SGCZ: variants seen among roughly 807,000 people sequenced by gnomAD.
SGCZ encodes the protein zeta-sarcoglycan.
In SGCZ, 40 loss-of-function variants were observed where a neutral mutation model predicts 41.3. The observed-to-expected ratio is 0.97, with a 90% CI of 0.75 to 1.26. The LOEUF (loss-of-function observed/expected upper bound fraction) is 1.26, where lower values mean the gene tolerates loss of function less well. Ranked by LOEUF, SGCZ falls within the 50% of genes most tolerant of loss-of-function variation. The pLI, the probability that SGCZ is intolerant of heterozygous loss-of-function variation, is 0.00. For synonymous variants in SGCZ, 206 were observed against 137.5 expected, an observed-to-expected ratio of 1.50 and a Z score of -3.49; for missense variants, 552 against 369.8, an observed-to-expected ratio of 1.49 and a Z score of -4.04.
intron 1 of SGCZ, among the ~76,000 whole-genome samples, chr8:15,145,463 C>CGGAACTTCT (rs1355568291): frequency 6.6e-6 from 1 of 152,076 alleles, no homozygotes; most frequent in Non-Finnish European, 1.5e-5. Context: ...CTTAGTATCT[C>CGGAACTTCT]GGAACTTCTG....
At chr8:14,654,919 C>T (rs1807513608) in intron 1 of SGCZ, among the ~76,000 whole-genome samples, 2 of 151,982 alleles carry the variant, frequency 1.3e-5, no homozygotes, top group Admixed American at 1.3e-4. Context: ...TTTTTCTCAG[C>T]CTCCCAAAGT....
chr8:14,645,488 A>ATATATTTATT (rs1807182798), intron 1 of SGCZ, among the ~76,000 whole-genome samples: 1 of 145,862 alleles, frequency 6.9e-6, no homozygotes, highest in African/African-American at 2.5e-5. Context: ...TTATATGTAT[A>ATATATTTATT]TATATATATA....
intron 1 of SGCZ, among the ~76,000 whole-genome samples, chr8:14,846,574 A>T (rs1035985751): frequency 6.6e-6 from 1 of 152,012 alleles, no homozygotes; most frequent in African/African-American, 2.4e-5. Flanking sequence ...GACAATCTAG[A>T]CCTATAAGAA....
intron 1 of SGCZ, among the ~76,000 whole-genome samples, chr8:15,108,365 C>T (rs1032669096): frequency 3.9e-5 from 6 of 152,242 alleles, no homozygotes; most frequent in East Asian, 1.9e-4. Flanking sequence ...CCCTGCTTCT[C>T]GCTGAATGTC....
intron 1 of SGCZ, among the ~76,000 whole-genome samples, chr8:14,633,704 T>C (rs189330611): frequency 1.5e-3 from 227 of 151,986 alleles, no homozygotes; most frequent in African/African-American, 5.1e-3. Flanking sequence ...TTATTTTATT[T>C]TGATCTCTTA....
intron 2 of SGCZ, among the ~76,000 whole-genome samples, chr8:14,471,385 CCTGTAATATGTATGCCACTTTT>C (rs1162990533): frequency 2.0e-5 from 3 of 152,052 alleles, no homozygotes; most frequent in African/African-American, 7.2e-5. Flanking sequence ...TCATTAAACA[CCTGTAATATGTATGCCACTTTT>C]CTGATAACAG....
chr8:14,824,822 T>C (rs1273583735), intron 1 of SGCZ, among the ~76,000 whole-genome samples: 1 of 152,102 alleles, frequency 6.6e-6, no homozygotes, highest in African/African-American at 2.4e-5. Flanking sequence ...CCTTCTTCTC[T>C]ATTGATCTAC....
At chr8:14,572,613 T>C (rs906657524) in intron 1 of SGCZ, among the ~76,000 whole-genome samples, 2 of 152,190 alleles carry the variant, frequency 1.3e-5, no homozygotes, top group Non-Finnish European at 2.9e-5. Context: ...GAGGAGGCTT[T>C]TGATTCCTGA....
In SGCZ at chr8:15,040,148, G is replaced by A. The variant is rs537481397; in HGVS notation, c.39+197437C>T. Among the ~76,000 whole-genome samples, 122 of 152,318 alleles carry A rather than the reference G, an allele frequency of 8.0e-4. 1 individual carries two copies. The highest frequency in any genetic ancestry group is 2.8e-3 in the African/African-American group (116 of 41,560). ...TTTGTTATTTAAATAGGTACATGGA[G>A]AGATCTAATAGTACTCAACAAATGT... On this transcript the variant is annotated intron_variant, in intron 1 of 7. Transcript: ENST00000382080.
chr8:14,402,080 T>C (rs998524836), intron 2 of SGCZ, among the ~76,000 whole-genome samples: 1 of 152,226 alleles, frequency 6.6e-6, no homozygotes, highest in Non-Finnish European at 1.5e-5. Flanking sequence ...GCTGCATAAA[T>C]GTCTTCTTTT....
intron 1 of SGCZ, among the ~76,000 whole-genome samples, chr8:15,169,385 A>C (rs562268004): frequency 6.6e-6 from 1 of 152,292 alleles, no homozygotes; most frequent in Middle Eastern, 3.4e-3. Context: ...GTGTGGAATC[A>C]GGGATTCCAA....
At chr8:14,275,931 G>C (rs567329642) in intron 3 of SGCZ, among the ~76,000 whole-genome samples, 1 of 152,206 alleles carries the variant, frequency 6.6e-6, no homozygotes, top group Non-Finnish European at 1.5e-5. Flanking sequence ...AGGAAAGCCA[G>C]ACCAATGTGT....
intron 1 of SGCZ, among the ~76,000 whole-genome samples, chr8:14,840,411 G>A (rs1205763159): frequency 9.2e-5 from 14 of 152,006 alleles, no homozygotes; most frequent in Admixed American, 6.6e-4. Context: ...AATTAATCAC[G>A]TTTCAGTTGT....
At chr8:14,879,436 A>AT (rs1295158711) in intron 1 of SGCZ, 14 of 152,174 alleles carry the variant, frequency 9.2e-5, no homozygotes, top group Admixed American at 9.2e-4. Context: ...AATCACTAAA[A>AT]ATATATATAA....
intron 1 of SGCZ, among the ~76,000 whole-genome samples, chr8:14,931,010 T>G (rs1013349982): frequency 6.6e-6 from 1 of 152,084 alleles, no homozygotes; most frequent in African/African-American, 2.4e-5. Context: ...ACTTAAAGTA[T>G]AATTAAAAAA....
At chr8:14,993,333 T>A (rs903310406) in intron 1 of SGCZ, among the ~76,000 whole-genome samples, 1 of 152,098 alleles carries the variant, frequency 6.6e-6, no homozygotes, top group African/African-American at 2.4e-5. Flanking sequence ...ATTAAGCATC[T>A]AGGATGTACC....
chr8:15,183,877 T>C (rs891106721), intron 1 of SGCZ, among the ~76,000 whole-genome samples: 5 of 152,170 alleles, frequency 3.3e-5, no homozygotes, highest in South Asian at 2.1e-4. Context: ...CTAGCATTTA[T>C]TACTTCAAAA....
chr8:14,197,661 C>G (rs1359071211), intron 4 of SGCZ, among the ~76,000 whole-genome samples: 1 of 151,976 alleles, frequency 6.6e-6, no homozygotes, highest in Non-Finnish European at 1.5e-5. Context: ...GAAATTTCCT[C>G]TACCTTATAA....
intron 2 of SGCZ, among the ~76,000 whole-genome samples, chr8:14,348,795 T>C (rs2117098735): frequency 6.6e-6 from 1 of 152,194 alleles, no homozygotes; most frequent in African/African-American, 2.4e-5. Flanking sequence ...TTACAAAAGG[T>C]TAAAGTACTG....
Sources: gnomAD v4.1 joint callset for allele counts (sites outside exome capture counted in the v4.1 genomes callset) on GRCh38, gnomAD v4.1.1 for gene constraint, MANE v1.5 for transcripts, NCBI Gene and HGNC (gene_info 2026-07-23, HGNC 2026-07-21) for gene names.